KCNH5: variants seen among roughly 807,000 people sequenced by gnomAD.
KCNH5 encodes the protein voltage-gated delayed rectifier potassium channel KCNH5.
Under a neutral mutation model 96.1 loss-of-function variants are expected in KCNH5, and 46 were observed. The ratio of observed to expected loss-of-function variants is 0.48; its 90% CI spans 0.38 to 0.61. The LOEUF is 0.61. Among genes scored for constraint, KCNH5 ranks in the 20% least tolerant of loss-of-function variants. The pLI, the probability that KCNH5 is intolerant of heterozygous loss-of-function variation, is 0.00. For synonymous variants in KCNH5, 439 were observed against 449.8 expected (o/e 0.98, Z 0.30); for missense variants, 907 against 1,225.8 (o/e 0.74, Z 3.88).
At chr14:62,879,418 T>G (rs979343302) in intron 7 of KCNH5, among the ~76,000 whole-genome samples, 5 of 152,108 alleles carry the variant, frequency 3.3e-5, no homozygotes, top group African/African-American at 1.2e-4. Context: ...CCCCAGAGAC[T>G]CCAACATTAT....
At chr14:62,971,903 T>A (rs931604768) in intron 6 of KCNH5, among the ~76,000 whole-genome samples, 1 of 152,130 alleles carries the variant, frequency 6.6e-6, no homozygotes, top group Non-Finnish European at 1.5e-5. Flanking sequence ...ATAAAACTTA[T>A]GGAAGACAAC....
chr14:62,868,041 G>C (rs1209571289), intron 7 of KCNH5, among the ~76,000 whole-genome samples: 1 of 152,242 alleles, frequency 6.6e-6, no homozygotes, highest in East Asian at 1.9e-4. Context: ...AGATCCGGCT[G>C]TTCTCTGTCA....
chr14:62,748,699 G>A (rs566557587), intron 10 of KCNH5, among the ~76,000 whole-genome samples: 3 of 152,192 alleles, frequency 2.0e-5, no homozygotes, highest in Non-Finnish European at 4.4e-5. Flanking sequence ...GTAGAGAGGA[G>A]CTCAGTCAGA....
intron 1 of KCNH5, among the ~76,000 whole-genome samples, chr14:63,026,337 A>G (rs568882750): frequency 1.3e-5 from 2 of 152,100 alleles, no homozygotes; most frequent in Admixed American, 6.6e-5. Flanking sequence ...TCAATAGCAC[A>G]GGTAACTAAA....
At chr14:62,980,399 G>A (rs557893038) in intron 6 of KCNH5, among the ~76,000 whole-genome samples, 1 of 152,178 alleles carries the variant, frequency 6.6e-6, no homozygotes, top group Non-Finnish European at 1.5e-5. Context: ...TATCATATGT[G>A]TCTTGAGAGG....
At position 62,896,666 on chromosome 14, in the gene KCNH5, T is replaced by C. The variant is rs576390406; in HGVS notation, c.1370-46814A>G. Among the ~76,000 whole-genome samples the C allele has an allele frequency of 6.0e-4, 91 of 152,300 alleles. 1 individual carries two copies. Among genetic ancestry groups the C allele is most frequent in the South Asian group, 1.5e-3 (7 of 4,820 alleles). ...CATATGGAGTATGAAGTGAATTGCT[T>C]TTTTTTCTTTATAGGTATCCTGATC... On this transcript the variant is annotated intron_variant, in intron 7 of 10. Transcript: ENST00000322893.
At chr14:62,938,594 G>C (rs933465025) in intron 7 of KCNH5, among the ~76,000 whole-genome samples, 1 of 152,142 alleles carries the variant, frequency 6.6e-6, no homozygotes, top group Admixed American at 6.5e-5. Flanking sequence ...AAACATTTAA[G>C]TATTACATAT....
chr14:62,828,988 G>T (rs1887285016), intron 8 of KCNH5, among the ~76,000 whole-genome samples: 1 of 152,086 alleles, frequency 6.6e-6, no homozygotes, highest in Admixed American at 6.5e-5. Flanking sequence ...GGGAGAAATG[G>T]GTCAAAACAA....
intron 9 of KCNH5, among the ~76,000 whole-genome samples, chr14:62,788,958 C>G (rs1886375905): frequency 6.6e-6 from 1 of 152,014 alleles, no homozygotes; most frequent in Admixed American, 6.6e-5. Context: ...ACCAAACCAA[C>G]AAAATCTCTG....
chr14:62,866,898 A>G (rs1162988649), intron 7 of KCNH5, among the ~76,000 whole-genome samples: 2 of 152,164 alleles, frequency 1.3e-5, no homozygotes, highest in Admixed American at 1.3e-4. Context: ...CTTGCAAACA[A>G]TCATGTCCTG....
intron 7 of KCNH5, among the ~76,000 whole-genome samples, chr14:62,877,623 T>C (rs1348919176): frequency 6.6e-6 from 1 of 152,014 alleles, no homozygotes; most frequent in Non-Finnish European, 1.5e-5. Flanking sequence ...ATCAGAGAAA[T>C]GCAAATCAAA....
chr14:63,032,175 G>A (rs564010739), intron 1 of KCNH5, among the ~76,000 whole-genome samples: 5 of 151,604 alleles, frequency 3.3e-5, no homozygotes, highest in African/African-American at 7.3e-5. Context: ...AAAGTCAGCT[G>A]CGTTTTCCCT....
rs1271491262 is a variant in KCNH5 at position 62,704,938 on chromosome 14, A to G, written c.*2570T>C. ...AACCTAAAAGACTACTCTATATACA[A>G]TGTTTGCTGAAAACATGCATTCCTG... On this transcript the variant is annotated 3_prime_UTR_variant, in exon 11 of 11. Transcript: ENST00000322893. 1 of 151,968 alleles carries G rather than the reference A, an allele frequency of 6.6e-6. No individual in the cohort carries two copies. The highest frequency in any genetic ancestry group is 1.5e-5 in the Non-Finnish European group (1 of 67,838). 9.4% of individuals were successfully genotyped at this position (151,968 alleles called of 1,614,324 possible).
intron 8 of KCNH5, among the ~76,000 whole-genome samples, chr14:62,841,317 T>C (rs931387334): frequency 2.6e-5 from 4 of 152,218 alleles, no homozygotes; most frequent in South Asian, 2.1e-4. Context: ...GGAAGCATTA[T>C]GGTCTCATTT....
intron 7 of KCNH5, among the ~76,000 whole-genome samples, chr14:62,856,873 G>A (rs1172111759): frequency 1.3e-5 from 2 of 151,880 alleles, no homozygotes; most frequent in Admixed American, 6.6e-5. Flanking sequence ...ATAACTTTAA[G>A]TGTTAAATAC....
rs142126954 is a variant in KCNH5 at position 62,845,511 on chromosome 14, G to A, written c.1569+4142C>T. On this transcript the variant is annotated intron_variant, in intron 8 of 10. Coordinates refer to ENST00000322893, the MANE Select transcript of KCNH5 (RefSeq NM_139318.5). ...TTACAAAAGCCATATGTGCTCACTC[G>A]CTGCTCTTTTGAGAACAGACTATAC... Among the ~76,000 whole-genome samples the A allele has an allele frequency of 2.2e-4, 33 of 152,254 alleles. No individual in the cohort carries two copies. In the East Asian group the frequency reaches 3.3e-3, roughly 15 times the overall value.
intron 8 of KCNH5, among the ~76,000 whole-genome samples, chr14:62,833,443 G>A (rs1283807066): frequency 6.6e-6 from 1 of 151,952 alleles, no homozygotes; most frequent in Non-Finnish European, 1.5e-5. Context: ...ACGATTAGTT[G>A]ACCGTATGTG....
intron 6 of KCNH5, among the ~76,000 whole-genome samples, chr14:62,967,229 A>C (rs888706159): frequency 2.0e-5 from 3 of 152,012 alleles, no homozygotes; most frequent in African/African-American, 7.2e-5. Flanking sequence ...GTCTAGATGC[A>C]ATTTACTGAT....
At chr14:62,852,380 T>G (rs1290385090) in intron 7 of KCNH5, among the ~76,000 whole-genome samples, 1 of 152,208 alleles carries the variant, frequency 6.6e-6, no homozygotes, top group South Asian at 2.1e-4. Flanking sequence ...CTAAACAAGA[T>G]AATAATTTAA....
Sources: allele counts gnomAD v4.1 joint callset (sites outside exome capture counted in the v4.1 genomes callset), GRCh38; gene constraint gnomAD v4.1.1; transcripts MANE v1.5; gene names NCBI Gene and HGNC (gene_info 2026-07-23, HGNC 2026-07-21).